Variants in EXT1 observed in about 807,000 individuals in gnomAD.
EXT1 encodes the protein exostosin-1.
A neutral mutation model predicts 82.5 loss-of-function variants in EXT1; 20 were observed. That is an observed-to-expected ratio of 0.24 (90% CI 0.17 to 0.35). The LOEUF is 0.35. EXT1 is among the 10% of genes least tolerant of loss of function. The pLI, the probability that EXT1 is intolerant of heterozygous loss-of-function variation, is 1.00. For missense variants in EXT1, 757 were observed against 936.5 expected (o/e 0.81, Z 2.50); for synonymous variants, 348 against 350.8 (o/e 0.99, Z 0.09).
At chr8:117,951,489 C>A (rs1814490495) in intron 1 of EXT1, among the ~76,000 whole-genome samples, 1 of 152,174 alleles carries the variant, frequency 6.6e-6, no homozygotes, top group African/African-American at 2.4e-5. Context: ...TACATTCATA[C>A]AAACTAGACC....
intron 1 of EXT1, among the ~76,000 whole-genome samples, chr8:117,983,519 T>C (rs953385242): frequency 2.3e-4 from 35 of 152,220 alleles, no homozygotes; most frequent in African/African-American, 8.2e-4. Flanking sequence ...AAAATCCAAA[T>C]GGCAACATGG....
At chr8:118,007,181 C>A (rs1216693465) in intron 1 of EXT1, among the ~76,000 whole-genome samples, 5 of 152,008 alleles carry the variant, frequency 3.3e-5, no homozygotes, top group African/African-American at 9.7e-5. Flanking sequence ...CCTGTAGTCC[C>A]AGCTACTCGG....
intron 1 of EXT1, among the ~76,000 whole-genome samples, chr8:118,031,502 G>A (rs1816318494): frequency 2.0e-5 from 3 of 151,462 alleles, no homozygotes; most frequent in Admixed American, 2.0e-4. Context: ...TCTAGCTGGG[G>A]TGACAGAGTG....
intron 1 of EXT1, among the ~76,000 whole-genome samples, chr8:117,857,111 G>C (rs1193668166): frequency 2.0e-5 from 3 of 152,188 alleles, no homozygotes; most frequent in South Asian, 2.1e-4. Context: ...CTACCGTTGA[G>C]ACCTACGGCT....
intron 4 of EXT1, among the ~76,000 whole-genome samples, chr8:117,829,020 G>T (rs937597471): frequency 6.6e-6 from 1 of 152,086 alleles, no homozygotes; most frequent in Non-Finnish European, 1.5e-5. Flanking sequence ...CTCAGTGTAG[G>T]TTCCATATTA....
intron 1 of EXT1, among the ~76,000 whole-genome samples, chr8:117,913,468 G>A (rs889021463): frequency 1.7e-4 from 26 of 152,174 alleles, no homozygotes; most frequent in Admixed American, 6.5e-4. Context: ...TTTAAACCAT[G>A]TGGAGAATCT....
chr8:117,974,182 C>G (rs1406008378), intron 1 of EXT1, among the ~76,000 whole-genome samples: 1 of 152,182 alleles, frequency 6.6e-6, no homozygotes, highest in Non-Finnish European at 1.5e-5. Flanking sequence ...CTATACTGAT[C>G]TTAGCAGATT....
Position 117,939,581 on chromosome 8 carries a change from A to AG in EXT1, c.963-102381_963-102380insC, listed in dbSNP as rs1167922937. On this transcript the variant is annotated intron_variant, in intron 1 of 10. Transcript: ENST00000378204. ...TGAAACTCCATCTCTGAAAAAAAAA[A>AG]AAAAAGAAAAAGAAAAAAGAATAAT... 1.5e-4 allele frequency among the ~76,000 whole-genome samples: 22 copies of AG among 151,454 alleles called. No homozygotes were observed. The South Asian group carries it at 2.1e-3, about 14-fold the overall frequency.
intron 1 of EXT1, among the ~76,000 whole-genome samples, chr8:118,093,534 G>C (rs1057151242): frequency 6.6e-6 from 1 of 152,082 alleles, no homozygotes; most frequent in Non-Finnish European, 1.5e-5. Context: ...GTTCTAACAT[G>C]CTTTTTTTGG....
chr8:117,822,690 TC>T, intron 4 of EXT1, 93 bp from the exon 5 acceptor site: 1 of 1,450,960 alleles, frequency 6.9e-7, no homozygotes, highest in Non-Finnish European at 9.6e-7. Context: ...ATGGTGGCAG[TC>T]AGAGTAGTGA....
chr8:117,959,381 ACT>A (rs1467579968), intron 1 of EXT1, among the ~76,000 whole-genome samples: 1 of 152,074 alleles, frequency 6.6e-6, no homozygotes, highest in Admixed American at 6.6e-5. Flanking sequence ...CCCACAAACA[ACT>A]CTGTTTCATT....
intron 1 of EXT1, among the ~76,000 whole-genome samples, chr8:117,892,282 G>A (rs994624192): frequency 6.6e-6 from 1 of 152,150 alleles, no homozygotes; most frequent in Non-Finnish European, 1.5e-5. Flanking sequence ...GTCAGCAAAG[G>A]CTCCAATGCA....
At chr8:117,835,593 A>G in intron 2 of EXT1, 42 bp from the exon 3 acceptor site, 1 of 1,427,874 alleles carries the variant, frequency 7.0e-7, no homozygotes, top group Non-Finnish European at 9.9e-7. Flanking sequence ...GGAAAGCGAC[A>G]GCAGAAGCTG....
chr8:117,870,785 CCACATCAGGACTCAGTGGG>C (rs1426383111), intron 1 of EXT1, among the ~76,000 whole-genome samples: 1 of 149,324 alleles, frequency 6.7e-6, no homozygotes, highest in Admixed American at 6.6e-5. Context: ...TGTCCCGTAT[CCACATCAGGACTCAGTGGG>C]TATACCATAA....
At chr8:118,062,642 G>T (rs956510214) in intron 1 of EXT1, among the ~76,000 whole-genome samples, 2 of 152,178 alleles carry the variant, frequency 1.3e-5, no homozygotes, top group Non-Finnish European at 2.9e-5. Flanking sequence ...CAGTAAAGAT[G>T]ACCTGGGAAG....
intron 10 of EXT1, among the ~76,000 whole-genome samples, chr8:117,800,265 T>C (rs994480517): frequency 3.9e-5 from 6 of 152,340 alleles, no homozygotes; most frequent in South Asian, 2.1e-4. Flanking sequence ...AAGATGTGTT[T>C]CTGCTTTCAA....
chr8:117,808,153 A>C (rs1223406041), intron 8 of EXT1, among the ~76,000 whole-genome samples: 1 of 152,254 alleles, frequency 6.6e-6, no homozygotes, highest in East Asian at 1.9e-4. Flanking sequence ...CTGTTTTCAA[A>C]TGCATAAACT....
intron 8 of EXT1, 144 bp downstream of exon 8, chr8:117,812,728 G>C (rs1207864801): frequency 1.3e-6 from 1 of 765,736 alleles, no homozygotes; most frequent in Non-Finnish European, 2.2e-6. Context: ...CAGGAATCGG[G>C]CTGATTAAAA....
intron 1 of EXT1, among the ~76,000 whole-genome samples, chr8:117,855,184 C>A (rs1463942023): frequency 1.3e-5 from 2 of 152,196 alleles, no homozygotes; most frequent in Non-Finnish European, 2.9e-5. Context: ...ACCTAAAACA[C>A]CAAACTAAGT....
Sources: gnomAD v4.1 joint callset for allele counts (sites outside exome capture counted in the v4.1 genomes callset) on GRCh38, gnomAD v4.1.1 for gene constraint, MANE v1.5 for transcripts, NCBI Gene and HGNC (gene_info 2026-07-23, HGNC 2026-07-21) for gene names.